The following PARD3B variants were observed in gnomAD, a reference collection of about 807,000 sequenced individuals.
The protein encoded by PARD3B is partitioning defective 3 homolog B.
PARD3B carries 103 observed loss-of-function variants against 130.2 expected under a neutral mutation model. That is an observed-to-expected ratio of 0.79 (90% CI 0.67 to 0.93). The LOEUF is 0.93. Among genes scored for constraint, PARD3B ranks in the 40% least tolerant of loss-of-function variants. The probability of loss-of-function intolerance (pLI) is 0.00; values close to 1 mark genes in which losing one functional copy is unlikely to be tolerated. For synonymous variants in PARD3B, 583 were observed against 553.2 expected (o/e 1.05, Z -0.76); for missense variants, 1,609 against 1,499.2 (o/e 1.07, Z -1.21).
At chr2:205,498,928 T>G (rs2050049275) in intron 20 of PARD3B, among the ~76,000 whole-genome samples, 1 of 152,212 alleles carries the variant, frequency 6.6e-6, no homozygotes, top group Admixed American at 6.5e-5. Context: ...TGTAGTCTTC[T>G]GTATCCCTCT....
intron 18 of PARD3B, among the ~76,000 whole-genome samples, chr2:205,370,902 G>T (rs555564590): frequency 1.9e-4 from 29 of 152,180 alleles, no homozygotes; most frequent in Non-Finnish European, 4.1e-4. Flanking sequence ...TGTTGCTTTT[G>T]GCTTGTGGGT....
At chr2:204,746,651 T>G (rs1156896243) in intron 2 of PARD3B, among the ~76,000 whole-genome samples, 1 of 152,216 alleles carries the variant, frequency 6.6e-6, no homozygotes, top group Non-Finnish European at 1.5e-5. Context: ...TGTTGTTTCC[T>G]GACTTTTTAA....
intron 21 of PARD3B, among the ~76,000 whole-genome samples, chr2:205,536,920 T>C (rs186323965): frequency 2.3e-4 from 35 of 152,304 alleles, no homozygotes; most frequent in African/African-American, 8.2e-4. Context: ...ACAAATACAT[T>C]ATGAATTGGC....
At position 205,408,599 on chromosome 2, in the gene PARD3B, G is replaced by C. The variant is rs188572106; in HGVS notation, c.2741+7476G>C. Reference sequence around the variant, plus strand: ...ATATACAGCAACAAGTGAATTGATAGTATTTTGTCATTATTGTACACTCAA... The same window carrying C: ...ATATACAGCAACAAGTGAATTGATACTATTTTGTCATTATTGTACACTCAA... On this transcript the variant is annotated intron_variant, in intron 19 of 22. Transcript: ENST00000406610. Among the ~76,000 whole-genome samples, 969 of 152,222 alleles carry C rather than the reference G, an allele frequency of 6.4e-3. 6 individuals carry two copies. Among genetic ancestry groups the C allele is most frequent in the African/African-American group, 0.022 (919 of 41,554 alleles).
At chr2:205,323,172 G>A (rs917629256) in intron 18 of PARD3B, among the ~76,000 whole-genome samples, 3 of 151,842 alleles carry the variant, frequency 2.0e-5, no homozygotes, top group African/African-American at 7.3e-5. Context: ...GCCTCCCAAA[G>A]TGCTGGGATT....
intron 2 of PARD3B, among the ~76,000 whole-genome samples, chr2:204,932,872 T>TTGGCA (rs907792100): frequency 1.2e-4 from 19 of 152,330 alleles, no homozygotes; most frequent in African/African-American, 4.6e-4. Context: ...TGTCAGGTTA[T>TTGGCA]TGGCACTGGT....
intron 2 of PARD3B, among the ~76,000 whole-genome samples, chr2:204,763,679 A>G (rs973635702): frequency 6.6e-6 from 1 of 152,222 alleles, no homozygotes; most frequent in African/African-American, 2.4e-5. Context: ...AACATGTTTC[A>G]TGTGCACATA....
At position 205,550,268 on chromosome 2, in the gene PARD3B, A is replaced by C; in HGVS notation, c.3181-3056A>C. Among the ~76,000 whole-genome samples, 1 of 152,032 alleles carries C rather than the reference A, an allele frequency of 6.6e-6. No homozygotes were observed. The highest frequency in any genetic ancestry group is 1.9e-4 in the East Asian group (1 of 5,172). On this transcript the variant is annotated intron_variant, in intron 21 of 22. Coordinates refer to ENST00000406610, the MANE Select transcript of PARD3B (RefSeq NM_001302769.2). This position sits in a 1 kb window ranked among gnomAD's most constrained non-coding sequence, Gnocchi z 4.5. ...TTCAACTCTCCCAGGTGGACTTTGG[A>C]ATTTCTTCCTGCGGACTCCCACTGC... is the stretch of plus-strand genomic sequence containing the variant.
chr2:205,602,215 C>T (rs1050482835), intron 22 of PARD3B, among the ~76,000 whole-genome samples: 5 of 152,114 alleles, frequency 3.3e-5, no homozygotes, highest in Non-Finnish European at 7.4e-5. Flanking sequence ...CTTACATCCC[C>T]GGGATAAAGC....
intron 22 of PARD3B, among the ~76,000 whole-genome samples, chr2:205,608,033 G>A (rs2105782713): frequency 6.6e-6 from 1 of 152,240 alleles, no homozygotes; most frequent in East Asian, 1.9e-4. Context: ...AAAGGGGTCA[G>A]GTAAAGATGT....
At chr2:205,052,482 G>T (rs894026717) in intron 4 of PARD3B, among the ~76,000 whole-genome samples, 1 of 144,388 alleles carries the variant, frequency 6.9e-6, no homozygotes, top group African/African-American at 2.5e-5. Context: ...CAGATTTGGG[G>T]GTTGTTAAAT....
At chr2:204,954,246 A>G (rs1436779865) in intron 2 of PARD3B, among the ~76,000 whole-genome samples, 1 of 152,202 alleles carries the variant, frequency 6.6e-6, no homozygotes, top group African/African-American at 2.4e-5. Flanking sequence ...CTGTAGTTGC[A>G]GTGTTAATTT....
chr2:205,481,368 C>A (rs150571628), intron 20 of PARD3B, among the ~76,000 whole-genome samples: 19 of 152,084 alleles, frequency 1.2e-4, no homozygotes, highest in Non-Finnish European at 2.4e-4. Context: ...GGAAAGAGAG[C>A]AAAGAGGTTA....
intron 10 of PARD3B, among the ~76,000 whole-genome samples, chr2:205,153,957 A>G (rs1259850587): frequency 6.6e-6 from 1 of 152,224 alleles, no homozygotes; most frequent in African/African-American, 2.4e-5. Context: ...AAGAAAACCT[A>G]CGCAATATCA....
chr2:204,786,178 C>T (rs2042004237), intron 2 of PARD3B, among the ~76,000 whole-genome samples: 2 of 150,720 alleles, frequency 1.3e-5, no homozygotes, highest in African/African-American at 4.9e-5. Flanking sequence ...TTATTTTGGG[C>T]ATCACATAAA....
At chr2:204,936,682 A>G (rs1688486850) in intron 2 of PARD3B, among the ~76,000 whole-genome samples, 1 of 152,238 alleles carries the variant, frequency 6.6e-6, no homozygotes, top group African/African-American at 2.4e-5. Context: ...TTCACAGTCA[A>G]TCTCTTAACC....
intron 21 of PARD3B, among the ~76,000 whole-genome samples, chr2:205,543,034 T>C (rs1160697128): frequency 6.6e-6 from 1 of 152,192 alleles, no homozygotes; most frequent in Non-Finnish European, 1.5e-5. Context: ...GATTCATTCT[T>C]TCTGTTAACT....
At chr2:204,559,491 A>G (rs954761472) in intron 1 of PARD3B, among the ~76,000 whole-genome samples, 6 of 152,238 alleles carry the variant, frequency 3.9e-5, no homozygotes, top group African/African-American at 1.4e-4. Context: ...ACAGTGAGAT[A>G]CCATCTCACA....
chr2:205,301,432 C>A lies in PARD3B; in HGVS notation c.2393-32C>A. On this transcript the variant is annotated intron_variant, in intron 17 of 22. Coordinates refer to ENST00000406610, the MANE Select transcript of PARD3B (RefSeq NM_001302769.2). This position sits in a 1 kb window ranked among gnomAD's most constrained non-coding sequence, Gnocchi z 5.2. ...GTATACTAACTGAGTGTGCCCCTGA[C>A]CATGGGTATTGATTATTTTTTCTCT... 3 of 1,583,368 alleles carry A rather than the reference C, an allele frequency of 1.9e-6. No individual in the cohort carries two copies. The highest frequency in any genetic ancestry group is 2.6e-6 in the Non-Finnish European group (3 of 1,169,082).
Sources: allele counts gnomAD v4.1 joint callset (sites outside exome capture counted in the v4.1 genomes callset), GRCh38; gene constraint gnomAD v4.1.1; non-coding constraint Gnocchi (gnomAD v3.1); transcripts MANE v1.5; gene names NCBI Gene and HGNC (gene_info 2026-07-23, HGNC 2026-07-21).